The following XYLT1 variants were observed in gnomAD, a reference collection of about 807,000 sequenced individuals.
The protein encoded by XYLT1 is xylosyltransferase 1.
Under a neutral mutation model 91.3 loss-of-function variants are expected in XYLT1, and 36 were observed. That is an observed-to-expected ratio of 0.39 (90% CI 0.30 to 0.52). The LOEUF (loss-of-function observed/expected upper bound fraction) is 0.52, where lower values mean the gene tolerates loss of function less well. XYLT1 is among the 20% of genes least tolerant of loss of function. The probability of loss-of-function intolerance (pLI) is 0.68; values close to 1 mark genes in which losing one functional copy is unlikely to be tolerated. For missense variants in XYLT1, 1,242 were observed against 1,284.5 expected, an observed-to-expected ratio of 0.97 and a Z score of 0.51; for synonymous variants, 588 against 532.0, an observed-to-expected ratio of 1.11 and a Z score of -1.45.
chr16:17,215,431 G>A (rs180672772), intron 3 of XYLT1, among the ~76,000 whole-genome samples: 2 of 152,164 alleles, frequency 1.3e-5, no homozygotes, highest in Non-Finnish European at 2.9e-5. Context: ...ACACTGGAGA[G>A]CTTGCTATTT....
At chr16:17,250,862 T>C (rs562310767) in intron 3 of XYLT1, 1 of 152,384 alleles carries the variant, frequency 6.6e-6, no homozygotes, top group South Asian at 2.1e-4. Flanking sequence ...ATCACCCTCA[T>C]TAGCGTGGTA....
At chr16:17,279,288 G>A (rs1328359214) in intron 2 of XYLT1, among the ~76,000 whole-genome samples, 5 of 152,216 alleles carry the variant, frequency 3.3e-5, no homozygotes, top group African/African-American at 1.2e-4. Flanking sequence ...GAGTTGAAAT[G>A]AGAATTAAGT....
intron 10 of XYLT1, among the ~76,000 whole-genome samples, chr16:17,123,805 T>C (rs2030159982): frequency 6.6e-6 from 1 of 152,156 alleles, no homozygotes; most frequent in African/African-American, 2.4e-5. Flanking sequence ...AGTAGTATTG[T>C]TTTGGGAGCC....
intron 3 of XYLT1, among the ~76,000 whole-genome samples, chr16:17,209,317 G>A (rs760427910): frequency 3.3e-5 from 5 of 152,182 alleles, no homozygotes; most frequent in Non-Finnish European, 5.9e-5. Flanking sequence ...TGTCCACGTC[G>A]TAGCCTATGT....
At chr16:17,466,049 C>T (rs1031629980) in intron 1 of XYLT1, among the ~76,000 whole-genome samples, 33 of 152,152 alleles carry the variant, frequency 2.2e-4, no homozygotes, top group African/African-American at 7.0e-4. Context: ...CTTGTTGGGA[C>T]GTTTTCTCCT....
rs150106915 is a variant in XYLT1 at position 17,256,438 on chromosome 16, G to A, written c.913+2550C>T. ...GGGGCCGAGGCGGGTGGATCACTAG[G>A]TCAGGAGTTCAAGACCAGCCTGGCC... On this transcript the variant is annotated intron_variant, in intron 3 of 11. Coordinates refer to ENST00000261381, the MANE Select transcript of XYLT1 (RefSeq NM_022166.4). Among the ~76,000 whole-genome samples, 9 of 152,134 alleles carry A rather than the reference G, an allele frequency of 5.9e-5. No individual in the cohort carries two copies. The East Asian group carries it at 1.7e-3, about 29-fold the overall frequency.
intron 5 of XYLT1, among the ~76,000 whole-genome samples, chr16:17,182,175 C>G (rs1244088248): frequency 1.3e-5 from 2 of 152,206 alleles, no homozygotes; most frequent in Non-Finnish European, 2.9e-5. Flanking sequence ...AGCTCTCATA[C>G]AGGGGATGAG....
chr16:17,286,262 AAC>A (rs1257881820), intron 2 of XYLT1, among the ~76,000 whole-genome samples: 2 of 152,180 alleles, frequency 1.3e-5, no homozygotes, highest in Non-Finnish European at 2.9e-5. Flanking sequence ...TGAAGGGGTA[AAC>A]AGAGACTGAG....
chr16:17,118,075 C>A (rs988550462), intron 10 of XYLT1, 96 bp from the exon 11 acceptor site: 163 of 1,276,846 alleles, frequency 1.3e-4, no homozygotes, highest in Admixed American at 2.6e-4. Context: ...TTTCATATAC[C>A]CATTTTACAG....
chr16:17,327,474 T>G (rs2034825569), intron 2 of XYLT1, among the ~76,000 whole-genome samples: 1 of 150,762 alleles, frequency 6.6e-6, no homozygotes, highest in Non-Finnish European at 1.5e-5. Flanking sequence ...GCCATTCTCT[T>G]GCCTCAGCCT....
At chr16:17,167,334 C>A (rs749169128) in intron 5 of XYLT1, among the ~76,000 whole-genome samples, 3 of 152,282 alleles carry the variant, frequency 2.0e-5, no homozygotes, top group Non-Finnish European at 4.4e-5. Context: ...CAGGTAGAAC[C>A]TCTGTTCAGG....
intron 2 of XYLT1, among the ~76,000 whole-genome samples, chr16:17,287,488 G>A (rs2034159691): frequency 6.6e-6 from 1 of 152,210 alleles, no homozygotes; most frequent in African/African-American, 2.4e-5. Flanking sequence ...GGTACCGCAT[G>A]TGGCCAAATC....
At chr16:17,110,988 C>T (rs971825256) in intron 11 of XYLT1, among the ~76,000 whole-genome samples, 74 of 152,052 alleles carry the variant, frequency 4.9e-4, no homozygotes, top group Non-Finnish European at 1.0e-4. Flanking sequence ...GGTGAAACCC[C>T]GTCTCTACTA....
chr16:17,279,670 A>G (rs2034029266), intron 2 of XYLT1, among the ~76,000 whole-genome samples: 2 of 152,310 alleles, frequency 1.3e-5, no homozygotes, highest in South Asian at 4.1e-4. Context: ...CAGCTTCTTC[A>G]GCATCTGGCT....
intron 1 of XYLT1, among the ~76,000 whole-genome samples, chr16:17,448,877 T>C (rs1370202971): frequency 6.6e-6 from 1 of 152,050 alleles, no homozygotes; most frequent in Non-Finnish European, 1.5e-5. Context: ...TGACAACCCT[T>C]TGAAGTGGGT....
chr16:17,401,197 G>A (rs2035964946), intron 1 of XYLT1, among the ~76,000 whole-genome samples: 1 of 152,130 alleles, frequency 6.6e-6, no homozygotes, highest in Non-Finnish European at 1.5e-5. Context: ...TTGGGCTGGA[G>A]GATGTTACAA....
intron 3 of XYLT1, among the ~76,000 whole-genome samples, chr16:17,222,501 G>T (rs993893202): frequency 2.0e-5 from 3 of 152,130 alleles, no homozygotes; most frequent in African/African-American, 7.2e-5. Context: ...TTAAAATGCA[G>T]AATCTAGACC....
intron 3 of XYLT1, 28 bp downstream of exon 3, chr16:17,258,960 T>A: frequency 6.7e-7 from 1 of 1,486,842 alleles, no homozygotes; most frequent in African/African-American, 1.4e-5. Context: ...AGGAGATCCC[T>A]CTCTGAGCCA....
chr16:17,127,431 A>G (rs2030298615), intron 10 of XYLT1, among the ~76,000 whole-genome samples: 1 of 152,192 alleles, frequency 6.6e-6, no homozygotes, highest in Non-Finnish European at 1.5e-5. Flanking sequence ...AGGAGCAGAA[A>G]TTCTACCCTA....
Sources: allele counts gnomAD v4.1 joint callset (sites outside exome capture counted in the v4.1 genomes callset), GRCh38; gene constraint gnomAD v4.1.1; transcripts MANE v1.5; gene names NCBI Gene and HGNC (gene_info 2026-07-23, HGNC 2026-07-21).